Variants in ATRN observed in about 807,000 individuals in gnomAD.
ATRN encodes the protein attractin, also known as attractin-2.
A neutral mutation model predicts 178.7 loss-of-function variants in ATRN; 54 were observed. The observed-to-expected ratio is 0.30, with a 90% CI of 0.24 to 0.38. The LOEUF is 0.38. ATRN is among the 10% of genes least tolerant of loss of function. The pLI, the probability that ATRN is intolerant of heterozygous loss-of-function variation, is 1.00. For synonymous variants in ATRN, 636 were observed against 663.0 expected (o/e 0.96, Z 0.63); for missense variants, 1,443 against 1,815.1 (o/e 0.79, Z 3.73).
chr20:3,480,216 G>T (rs574546277), intron 1 of ATRN, among the ~76,000 whole-genome samples: 1 of 152,168 alleles, frequency 6.6e-6, no homozygotes, highest in Non-Finnish European at 1.5e-5. Flanking sequence ...GTTTCTGGCC[G>T]TGCTGATTGT....
At chr20:3,490,184 T>G in intron 1 of ATRN, 1 of 1,518,448 alleles carries the variant, frequency 6.6e-7, no homozygotes, top group Non-Finnish European at 9.1e-7. Flanking sequence ...GGGCTTGCTC[T>G]TCTACGGTCC....
chr20:3,600,615 T>C (rs1217634893), intron 22 of ATRN, among the ~76,000 whole-genome samples: 1 of 152,054 alleles, frequency 6.6e-6, no homozygotes, highest in Non-Finnish European at 1.5e-5. Flanking sequence ...AGAGAATCCT[T>C]AGGAGGGTGA....
chr20:3,538,128 C>T (rs1327560365), intron 2 of ATRN, among the ~76,000 whole-genome samples: 5 of 143,644 alleles, frequency 3.5e-5, no homozygotes, highest in East Asian at 2.1e-4. Flanking sequence ...TATTTACTCT[C>T]CATCTTGTCA....
Position 3,619,259 on chromosome 20 carries a change from G to C in ATRN, c.3802-5252G>C, listed in dbSNP as rs2422908. Among the ~76,000 whole-genome samples, 777 of 152,318 alleles carry C rather than the reference G, an allele frequency of 5.1e-3. 4 individuals carry two copies. The highest frequency in any genetic ancestry group is 6.5e-3 in the Non-Finnish European group (439 of 68,028). ...ACATCTCCATGGTAGAAATAATGCAGCCCTTTCTGCAGTCCATGGTTCCAC... is the reference window on the plus strand; with the variant it reads ...ACATCTCCATGGTAGAAATAATGCACCCCTTTCTGCAGTCCATGGTTCCAC... On this transcript the variant is annotated intron_variant, in intron 24 of 28. Coordinates refer to ENST00000262919, the MANE Select transcript of ATRN (RefSeq NM_139321.3).
chr20:3,602,792 C>T (rs550193253), intron 23 of ATRN, among the ~76,000 whole-genome samples: 1 of 151,466 alleles, frequency 6.6e-6, no homozygotes, highest in Admixed American at 6.6e-5. Context: ...GGTGAAATCC[C>T]GTCCCTACTA....
At chr20:3,475,729 A>G (rs940377707) in intron 1 of ATRN, among the ~76,000 whole-genome samples, 3 of 152,180 alleles carry the variant, frequency 2.0e-5, no homozygotes, top group African/African-American at 7.2e-5. Flanking sequence ...TGTTTGGGAG[A>G]ATTGAATAGA....
intron 1 of ATRN, among the ~76,000 whole-genome samples, chr20:3,492,852 G>GAAAT (rs1568685600): frequency 1.7e-5 from 2 of 120,894 alleles, no homozygotes; most frequent in East Asian, 4.0e-4. Context: ...GAGAGAGAGA[G>GAAAT]AGGCGCGCGC....
At chr20:3,627,905 G>A (rs556812389) in intron 25 of ATRN, among the ~76,000 whole-genome samples, 5 of 152,358 alleles carry the variant, frequency 3.3e-5, no homozygotes, top group African/African-American at 1.2e-4. Flanking sequence ...GGGTGCAGTG[G>A]CTCACGCCTG....
Position 3,500,055 on chromosome 20 carries a change from T to C in ATRN, c.410+28538T>C, listed in dbSNP as rs548647847. Among the ~76,000 whole-genome samples the C allele has an allele frequency of 8.5e-5, 13 of 152,270 alleles. No individual in the cohort carries two copies. The East Asian group carries it at 1.3e-3, about 16-fold the overall frequency. ...AACAGACACTTCTCAAAAGAAGACATTTATGCAGCCAAAAAACACATGAAA... is the reference window on the plus strand; with the variant it reads ...AACAGACACTTCTCAAAAGAAGACACTTATGCAGCCAAAAAACACATGAAA... On this transcript the variant is annotated intron_variant, in intron 1 of 28. Transcript: ENST00000262919.
chr20:3,583,663 C>T (rs965074081), intron 16 of ATRN, among the ~76,000 whole-genome samples: 3 of 152,076 alleles, frequency 2.0e-5, no homozygotes, highest in Admixed American at 2.0e-4. Context: ...AAAAAATTAG[C>T]CAGACGTGAT....
At chr20:3,543,264 A>G (rs2085650636) in intron 3 of ATRN, among the ~76,000 whole-genome samples, 1 of 152,222 alleles carries the variant, frequency 6.6e-6, no homozygotes, top group South Asian at 2.1e-4. Context: ...AGGCAGGGAC[A>G]TAGTCTTATT....
At position 3,545,015 on chromosome 20, in the gene ATRN, T is replaced by C. The variant is rs548273633; in HGVS notation, c.609-747T>C. On this transcript the variant is annotated intron_variant, in intron 3 of 28. Transcript: ENST00000262919. The stretch of plus-strand genomic sequence containing the variant: ...AGGCTAAGAAAATGCATCAGAATAC[T>C]AACAGTGTTGGAGTTATGGGTGTTT... 7.9e-5 allele frequency among the ~76,000 whole-genome samples: 12 copies of C among 152,268 alleles called. No individual in the cohort carries two copies. The East Asian group carries it at 2.3e-3, about 29-fold the overall frequency.
rs951765731 is a variant in ATRN at position 3,646,985 on chromosome 20, G to T, written c.*138G>T. On this transcript the variant is annotated 3_prime_UTR_variant, in exon 29 of 29. Coordinates refer to ENST00000262919, the MANE Select transcript of ATRN (RefSeq NM_139321.3). ...AACCCTCAAAGCATCTGACTCACCT[G>T]CATGATCACAAGCTTTCTTTGACGG... The T allele has an allele frequency of 2.6e-6, 3 of 1,142,686 alleles. No individual in the cohort carries two copies. The highest frequency in any genetic ancestry group is 3.6e-6 in the Non-Finnish European group (3 of 843,598). The allele number at this position is 1,142,686 out of a possible 1,614,324, so 70.8% of individuals were successfully genotyped here.
intron 6 of ATRN, among the ~76,000 whole-genome samples, chr20:3,555,020 T>G (rs2085850702): frequency 1.4e-5 from 1 of 71,308 alleles, no homozygotes; most frequent in Non-Finnish European, 2.6e-5. Context: ...TTTTTTTTTT[T>G]GAGACGGAGT....
intron 24 of ATRN, among the ~76,000 whole-genome samples, chr20:3,610,683 C>T (rs2086750575): frequency 6.6e-6 from 1 of 150,736 alleles, no homozygotes; most frequent in African/African-American, 2.4e-5. Context: ...AGTGATCCTC[C>T]TGCCTCAGCC....
At position 3,624,552 on chromosome 20, in the gene ATRN, G is replaced by T. The variant is rs2086921811; in HGVS notation, c.3843G>T (p.Gln1281His). The change falls in exon 25 of 29, where the codon CAG becomes CAT. Residue 1281 changes from glutamine to histidine, a missense_variant. By Grantham distance (24) the Gln-to-His change is conservative. Coordinates refer to ENST00000262919, the MANE Select transcript of ATRN (RefSeq NM_139321.3). ...SQHSNFMDLV[Q>H]FFVTFFSCFL... ...ACAGCAATTTTATGGACCTGGTACA[G>T]TTCTTCGTGACTTTCTTCAGGTAAT... 1 of 1,613,976 alleles carries T rather than the reference G, an allele frequency of 6.2e-7. No homozygotes were observed. The highest frequency in any genetic ancestry group is 8.5e-7 in the Non-Finnish European group (1 of 1,179,948).
rs2086334389 is a variant in ATRN, at chr20:3,584,809, C to T, written c.3113C>T (p.Pro1038Leu). Residue 1038 changes from proline (P) to leucine (L), a missense_variant, in exon 18 of 29, where the codon CCA (proline) becomes CTA (leucine). Pro to Leu is a moderately conservative substitution (Grantham distance 98, BLOSUM62 -3). Transcript: ENST00000262919. ...PSQAPTGNFY[P>L]QPLLNSSMCL... ...CAAGCCCCTACAGGAAATTTCTATC[C>T]ACAGCCCCTGCTCAATTCCAGCATG... 1.2e-6 allele frequency: 2 copies of T among 1,614,070 alleles called. No homozygotes were observed. The highest frequency in any genetic ancestry group is 1.7e-5 in the Admixed American group (1 of 60,006).
chr20:3,572,301 G>A (rs2086136792), intron 11 of ATRN, among the ~76,000 whole-genome samples: 1 of 152,090 alleles, frequency 6.6e-6, no homozygotes. Flanking sequence ...AAATTTTCCA[G>A]TGACTCATGG....
intron 1 of ATRN, among the ~76,000 whole-genome samples, chr20:3,515,954 C>G (rs1040189119): frequency 5.3e-5 from 8 of 152,136 alleles, no homozygotes; most frequent in African/African-American, 7.2e-5. Flanking sequence ...ATATAGTTCT[C>G]TCCTCATTAG....
Sources: allele counts gnomAD v4.1 joint callset (sites outside exome capture counted in the v4.1 genomes callset), GRCh38; gene constraint gnomAD v4.1.1; transcripts MANE v1.5; gene names NCBI Gene and HGNC (gene_info 2026-07-23, HGNC 2026-07-21).